FHIT: variants seen among roughly 807,000 people sequenced by gnomAD.
FHIT encodes the protein bis(5'-adenosyl)-triphosphatase.
Under a neutral mutation model 17.9 loss-of-function variants are expected in FHIT, and 19 were observed. The observed-to-expected ratio is 1.06, with a 90% CI of 0.74 to 1.56. The LOEUF (loss-of-function observed/expected upper bound fraction) is 1.56. FHIT is among the 40% of genes most tolerant of loss of function. The pLI is 0.00. For missense variants in FHIT, 248 were observed against 189.2 expected (o/e 1.31, Z -1.82); for synonymous variants, 81 against 69.7 (o/e 1.16, Z -0.81).
chr3:60,507,582 T>A (rs981101224), intron 5 of FHIT, among the ~76,000 whole-genome samples: 2 of 152,216 alleles, frequency 1.3e-5, no homozygotes, highest in Non-Finnish European at 2.9e-5. Flanking sequence ...TAAACTCGTG[T>A]CATGGCGGTT....
chr3:61,040,032 T>C (rs1325902167), intron 3 of FHIT, among the ~76,000 whole-genome samples: 1 of 152,166 alleles, frequency 6.6e-6, no homozygotes, highest in Admixed American at 6.5e-5. Flanking sequence ...CTTGTGGGTC[T>C]CAATCATGGT....
rs1405239812 is a variant in FHIT, at chr3:59,752,319, G to C, written c.351C>G (p.Leu117=). 3.7e-6 allele frequency: 6 copies of C among 1,608,666 alleles called. No homozygotes were observed. Among genetic ancestry groups the C allele is most frequent in the Non-Finnish European group, 5.1e-6 (6 of 1,178,144 alleles). The stretch of plus-strand genomic sequence containing the variant: ...GAAAGTCCTCCTTGTCATGTTTCTG[G>C]AGCTTTGGAGAAAAAAAAAGGAAGA... The part of the protein sequence containing the change: ...FHRNDSIYEE[L]QKHDKEDFPA... Residue 117 remains leucine (L), a splice_region_variant and synonymous_variant, in exon 9 of 10, where the codon CTC becomes CTG. Transcript: ENST00000492590.
chr3:60,083,985 T>C (rs1703395332), intron 5 of FHIT, among the ~76,000 whole-genome samples: 3 of 152,342 alleles, frequency 2.0e-5, no homozygotes, highest in Middle Eastern at 6.8e-3. Context: ...CTGTGATAAC[T>C]GGCACGTTTA....
At chr3:60,113,501 T>C (rs554476515) in intron 5 of FHIT, among the ~76,000 whole-genome samples, 29 of 151,958 alleles carry the variant, frequency 1.9e-4, no homozygotes, top group African/African-American at 6.5e-4. Context: ...ACATCTACTA[T>C]GCGCCAGTCA....
At chr3:60,023,640 T>C (rs1275546184) in intron 5 of FHIT, among the ~76,000 whole-genome samples, 1 of 151,774 alleles carries the variant, frequency 6.6e-6, no homozygotes, top group Admixed American at 6.6e-5. Flanking sequence ...ACTATAAATA[T>C]GAAAGGAAAG....
chr3:61,116,093 G>C (rs2036291175), intron 2 of FHIT, among the ~76,000 whole-genome samples: 1 of 151,798 alleles, frequency 6.6e-6, no homozygotes, highest in Non-Finnish European at 1.5e-5. Flanking sequence ...ATTTACAACA[G>C]GTAACTAGCC....
At chr3:59,970,387 T>C (rs1437674918) in intron 7 of FHIT, among the ~76,000 whole-genome samples, 1 of 152,126 alleles carries the variant, frequency 6.6e-6, no homozygotes, top group African/African-American at 2.4e-5. Flanking sequence ...TGTTTATTGA[T>C]TGGTGTTGAC....
intron 2 of FHIT, among the ~76,000 whole-genome samples, chr3:61,065,922 T>C (rs2034593531): frequency 6.6e-6 from 1 of 152,168 alleles, no homozygotes; most frequent in Admixed American, 6.5e-5. Context: ...ACTGTCTTAG[T>C]CTGCTTTGTG....
chr3:60,195,538 G>A (rs1025457171), intron 5 of FHIT, among the ~76,000 whole-genome samples: 1 of 38,102 alleles, frequency 2.6e-5, no homozygotes, highest in Admixed American at 2.9e-4. Flanking sequence ...AGCGGATAAG[G>A]AAAATGTGAT....
chr3:60,662,830 A>AT (rs1296329995), intron 4 of FHIT, among the ~76,000 whole-genome samples: 4 of 151,678 alleles, frequency 2.6e-5, no homozygotes, highest in African/African-American at 9.7e-5. Flanking sequence ...ACATACAGAG[A>AT]TTTTCTCCCA....
chr3:60,716,633 G>C (rs1340931074), intron 4 of FHIT, among the ~76,000 whole-genome samples: 1 of 152,102 alleles, frequency 6.6e-6, no homozygotes, highest in Admixed American at 6.5e-5. Context: ...TTAATAAGTA[G>C]AAGTACATGC....
At chr3:60,975,463 T>G (rs553080756) in intron 3 of FHIT, among the ~76,000 whole-genome samples, 2 of 152,162 alleles carry the variant, frequency 1.3e-5, no homozygotes, top group Admixed American at 1.3e-4. Flanking sequence ...TCACAACTAA[T>G]CACTGTCTCC....
At chr3:60,725,610 T>C (rs2041902154) in intron 4 of FHIT, among the ~76,000 whole-genome samples, 1 of 152,164 alleles carries the variant, frequency 6.6e-6, no homozygotes, top group Non-Finnish European at 1.5e-5. Context: ...ACAGAACCTA[T>C]GTATGTGACA....
intron 5 of FHIT, among the ~76,000 whole-genome samples, chr3:60,343,046 G>A (rs551968767): frequency 6.6e-6 from 1 of 152,238 alleles, no homozygotes; most frequent in East Asian, 1.9e-4. Context: ...ACAACTGATA[G>A]TTACACCCCA....
intron 5 of FHIT, among the ~76,000 whole-genome samples, chr3:60,261,190 A>C (rs945752670): frequency 5.3e-5 from 8 of 152,022 alleles, no homozygotes; most frequent in Non-Finnish European, 8.8e-5. Flanking sequence ...TTTCCTAATA[A>C]AGTTGATTTC....
intron 3 of FHIT, among the ~76,000 whole-genome samples, chr3:60,955,625 T>TACAC (rs1559862453): frequency 2.0e-5 from 1 of 49,534 alleles, no homozygotes; most frequent in Non-Finnish European, 4.6e-5. Context: ...TATATATATA[T>TACAC]ATATATATAC....
intron 7 of FHIT, among the ~76,000 whole-genome samples, chr3:59,986,304 T>C (rs1376377795): frequency 6.6e-6 from 1 of 151,462 alleles, no homozygotes; most frequent in Non-Finnish European, 1.5e-5. Context: ...GCACCCCCTT[T>C]GGAAGGATAG....
At chr3:60,347,080 TC>T (rs200358029) in intron 5 of FHIT, among the ~76,000 whole-genome samples, 1,779 of 145,068 alleles carry the variant, frequency 0.012, 37 homozygotes, top group African/African-American at 0.043. Flanking sequence ...ATTTTTTTTT[TC>T]CAATGCAAAG....
intron 5 of FHIT, among the ~76,000 whole-genome samples, chr3:60,027,618 A>G (rs6784140): frequency 0.056 from 8,524 of 152,148 alleles, 825 homozygotes; most frequent in African/African-American, 0.19. Context: ...CATAGAGTTC[A>G]GATTCCAACA....
Sources: allele counts gnomAD v4.1 joint callset (sites outside exome capture counted in the v4.1 genomes callset), GRCh38; gene constraint gnomAD v4.1.1; transcripts MANE v1.5; gene names NCBI Gene and HGNC (gene_info 2026-07-23, HGNC 2026-07-21).